Variants in FRMD4A observed in about 807,000 individuals in gnomAD.
FRMD4A encodes the protein FERM domain containing 4A, also known as FERM domain-containing protein 4A.
In FRMD4A, 29 loss-of-function variants were observed where a neutral mutation model predicts 129.1. That is an observed-to-expected ratio of 0.22 (90% confidence interval 0.17 to 0.31). FRMD4A has a LOEUF of 0.31. Ranked by LOEUF, FRMD4A falls within the 10% of genes least tolerant of loss-of-function variation. FRMD4A has a pLI of 1.00. For missense variants in FRMD4A, 1,272 were observed against 1,375.8 expected (o/e 0.92, Z 1.19); for synonymous variants, 634 against 571.6 (o/e 1.11, Z -1.56).
intron 11 of FRMD4A, among the ~76,000 whole-genome samples, chr10:13,739,856 T>G (rs1020572704): frequency 2.0e-5 from 3 of 152,202 alleles, no homozygotes; most frequent in Non-Finnish European, 4.4e-5. Context: ...TCCCAGCACT[T>G]TGGGAGGCCG....
At chr10:14,039,589 T>C (rs1361671465) in intron 2 of FRMD4A, among the ~76,000 whole-genome samples, 1 of 152,170 alleles carries the variant, frequency 6.6e-6, no homozygotes, top group Non-Finnish European at 1.5e-5. Context: ...AGGCTAAACC[T>C]GCCTTCCATT....
At chr10:14,082,898 C>T (rs1435426415) in intron 2 of FRMD4A, 1 of 152,200 alleles carries the variant, frequency 6.6e-6, no homozygotes, top group East Asian at 1.9e-4. Flanking sequence ...CAGCACCTAG[C>T]AGAGTGTCTT....
At chr10:14,299,499 G>A (rs982135003) in intron 2 of FRMD4A, among the ~76,000 whole-genome samples, 18 of 152,170 alleles carry the variant, frequency 1.2e-4, no homozygotes, top group Non-Finnish European at 1.2e-4. Flanking sequence ...TTTTCACCCC[G>A]TGTGGCAAGT....
chr10:14,232,759 G>A lies in FRMD4A; in HGVS notation c.45+97299C>T, dbSNP rs12778260. On this transcript the variant is annotated intron_variant, in intron 2 of 24. Transcript: ENST00000357447. Reference sequence around the variant, plus strand: ...TGGTGTATAGAAATGCTACTAATTTGTGTACCCAGATTTTGAATCCTGAAA... The same window carrying A: ...TGGTGTATAGAAATGCTACTAATTTATGTACCCAGATTTTGAATCCTGAAA... 1.5e-3 allele frequency among the ~76,000 whole-genome samples: 228 copies of A among 152,288 alleles called. 1 individual carries two copies. The highest frequency in any genetic ancestry group is 7.5e-3 in the Admixed American group (115 of 15,294).
At chr10:13,967,058 C>T (rs2131374032) in intron 2 of FRMD4A, among the ~76,000 whole-genome samples, 1 of 152,330 alleles carries the variant, frequency 6.6e-6, no homozygotes, top group South Asian at 2.1e-4. Flanking sequence ...ACACAACGGG[C>T]CGGGCGCGGT....
chr10:14,196,162 C>CAT (rs980136196), intron 2 of FRMD4A, among the ~76,000 whole-genome samples: 1 of 123,628 alleles, frequency 8.1e-6, no homozygotes, highest in African/African-American at 3.4e-5. Context: ...CATGCACACA[C>CAT]ATACACACAC....
rs1300841304 is a variant in FRMD4A, at chr10:13,952,867, C to T, written c.46-93955G>A. 8.6e-5 allele frequency among the ~76,000 whole-genome samples: 13 copies of T among 151,426 alleles called. No homozygotes were observed. The South Asian group carries it at 1.5e-3, about 17-fold the overall frequency. On this transcript the variant is annotated intron_variant, in intron 2 of 24. Coordinates refer to ENST00000357447, the MANE Select transcript of FRMD4A (RefSeq NM_018027.5). The stretch of plus-strand genomic sequence containing the variant: ...ACCACCATGTCGGCTAATTTTTTTT[C>T]GTATTTTTAGTAGAGAAGGGGTTTC...
intron 2 of FRMD4A, among the ~76,000 whole-genome samples, chr10:14,189,458 C>CAGCT (rs1842251027): frequency 6.6e-6 from 1 of 152,114 alleles, no homozygotes; most frequent in Non-Finnish European, 1.5e-5. Context: ...CCTGTAATCC[C>CAGCT]AGCTACTCGG....
intron 2 of FRMD4A, among the ~76,000 whole-genome samples, chr10:14,039,451 AATCAATCTATCTATCT>A (rs1402364205): frequency 0.083 from 9,486 of 113,686 alleles, 418 homozygotes; most frequent in Non-Finnish European, 0.087. Flanking sequence ...CCCCAAAATC[AATCAATCTATCTATCT>A]ATCTATCTAT....
At chr10:13,820,310 T>C (rs1000667583) in intron 3 of FRMD4A, among the ~76,000 whole-genome samples, 10 of 151,974 alleles carry the variant, frequency 6.6e-5, no homozygotes, top group African/African-American at 2.4e-4. Context: ...TCAGCACTGG[T>C]TGGTTGTGAC....
At chr10:14,196,822 C>A (rs951253112) in intron 2 of FRMD4A, among the ~76,000 whole-genome samples, 1 of 152,126 alleles carries the variant, frequency 6.6e-6, no homozygotes, top group South Asian at 2.1e-4. Context: ...CAATTCATTC[C>A]CATCTTTATG....
intron 2 of FRMD4A, among the ~76,000 whole-genome samples, chr10:14,069,570 A>G (rs1488367969): frequency 6.6e-6 from 1 of 152,226 alleles, no homozygotes; most frequent in East Asian, 1.9e-4. Context: ...TACTGTAAGA[A>G]CAATTTAAGG....
Position 14,208,549 on chromosome 10 carries a change from G to A in FRMD4A, c.45+121509C>T, listed in dbSNP as rs576380366. On this transcript the variant is annotated intron_variant, in intron 2 of 24. Transcript: ENST00000357447. ...TTGGGGAAGGAGGAGGGGACTCTGC[G>A]AACCTCCTACCTGGGCTGAAGGAAG... Among the ~76,000 whole-genome samples, 7 of 152,146 alleles carry A rather than the reference G, an allele frequency of 4.6e-5. No individual in the cohort carries two copies. The East Asian group carries it at 1.4e-3, about 29-fold the overall frequency.
intron 2 of FRMD4A, among the ~76,000 whole-genome samples, chr10:14,017,704 C>G (rs75380977): frequency 0.021 from 3,182 of 152,274 alleles, 114 homozygotes; most frequent in African/African-American, 0.073. Flanking sequence ...CCATCAGATT[C>G]CTTTCGCTCC....
chr10:13,863,795 C>T (rs955511058), intron 2 of FRMD4A, among the ~76,000 whole-genome samples: 1 of 150,882 alleles, frequency 6.6e-6, no homozygotes. Context: ...GAAACTTTAT[C>T]TAGAAAGATG....
In FRMD4A at chr10:13,656,745, G is replaced by T; in HGVS notation, c.2844C>A (p.Thr948=). 6.3e-7 allele frequency: 1 copy of T among 1,598,422 alleles called. No individual in the cohort carries two copies. Among genetic ancestry groups the T allele is most frequent in the South Asian group, 1.1e-5 (1 of 88,836 alleles). ...SHKEHSRLSH[T]SSTSSDSGSQ... ...AGCCGCTGTCCGAGGAGGTGGAGCTGGTGTGCGACAGGCGGCTGTGCTCCT... is the reference window on the plus strand; with the variant it reads ...AGCCGCTGTCCGAGGAGGTGGAGCTTGTGTGCGACAGGCGGCTGTGCTCCT... Residue 948 remains threonine (T), a synonymous_variant, in exon 22 of 25, where the codon ACC becomes ACA. Transcript: ENST00000357447.
chr10:14,053,694 G>A (rs1341958148), intron 2 of FRMD4A, among the ~76,000 whole-genome samples: 4 of 152,094 alleles, frequency 2.6e-5, no homozygotes, highest in Non-Finnish European at 5.9e-5. Flanking sequence ...TTGCTTTGTT[G>A]ATTGTTATGG....
rs189183717 is a variant in FRMD4A, at chr10:14,326,528, C to T, written c.45+3530G>A. 2.2e-4 allele frequency: 54 copies of T among 240,670 alleles called. No individual in the cohort carries two copies. In the Admixed American group the frequency reaches 2.5e-3, roughly 11 times the overall value. The allele number at this position is 240,670 out of a possible 1,614,324, so 14.9% of individuals were successfully genotyped here. A position where few individuals can be genotyped will look rare whatever the true frequency, so the allele number is the denominator to read the frequency against. ...AAATGAGATAATGTATTTAAAGACA[C>T]TTCATTTATAGAAAAGCTTAATTTG... On this transcript the variant is annotated intron_variant, in intron 2 of 24. Transcript: ENST00000357447.
chr10:14,005,851 T>A (rs2131628178), intron 2 of FRMD4A, among the ~76,000 whole-genome samples: 1 of 152,348 alleles, frequency 6.6e-6, no homozygotes, highest in East Asian at 1.9e-4. Flanking sequence ...CCCTGGGCTC[T>A]GTGCCTTGTT....
Sources: gnomAD v4.1 joint callset for allele counts (sites outside exome capture counted in the v4.1 genomes callset) on GRCh38, gnomAD v4.1.1 for gene constraint, MANE v1.5 for transcripts, NCBI Gene and HGNC (gene_info 2026-07-23, HGNC 2026-07-21) for gene names.